Variants in HTR1F observed in about 807,000 individuals in gnomAD.
HTR1F encodes 5-hydroxytryptamine (serotonin) receptor 1F, G protein-coupled.
HTR1F carries 17 observed loss-of-function variants against 24.0 expected under a neutral mutation model. That is an observed-to-expected ratio of 0.71 (90% CI 0.48 to 1.06). The LOEUF is 1.06. Among genes scored for constraint, HTR1F ranks in the 50% least tolerant of loss-of-function variants. HTR1F has a pLI of 0.00. For missense variants in HTR1F, 391 were observed against 427.8 expected (o/e 0.91, Z 0.76); for synonymous variants, 186 against 156.8 (o/e 1.19, Z -1.39).
intron 2 of HTR1F, among the ~76,000 whole-genome samples, chr3:87,918,292 C>T (rs1369335263): frequency 6.6e-6 from 1 of 152,032 alleles, no homozygotes; most frequent in Non-Finnish European, 1.5e-5. Context: ...TGAAAGCATT[C>T]CCTCTGAGAA....
chr3:87,929,859 G>C (rs1477579228), intron 2 of HTR1F, among the ~76,000 whole-genome samples: 4 of 152,104 alleles, frequency 2.6e-5, no homozygotes, highest in Non-Finnish European at 4.4e-5. Flanking sequence ...AGATTGATAG[G>C]AGTAGCATTG....
intron 1 of HTR1F, among the ~76,000 whole-genome samples, chr3:87,797,867 T>G (rs1336125594): frequency 6.6e-6 from 1 of 152,082 alleles, no homozygotes; most frequent in Non-Finnish European, 1.5e-5. Context: ...AAGCTGATGG[T>G]GGGACAAAAA....
At chr3:87,957,928 T>G (rs1704979402) in intron 2 of HTR1F, among the ~76,000 whole-genome samples, 1 of 151,368 alleles carries the variant, frequency 6.6e-6, no homozygotes, top group African/African-American at 2.4e-5. Flanking sequence ...TTTTATTATT[T>G]TGTTTCTTCT....
chr3:87,920,827 G>A (rs1389120543), intron 2 of HTR1F, among the ~76,000 whole-genome samples: 1 of 151,908 alleles, frequency 6.6e-6, no homozygotes, highest in African/African-American at 2.4e-5. Context: ...CCCACATGAT[G>A]TGAGTACCTA....
At chr3:87,860,887 G>A (rs1705304002) in intron 2 of HTR1F, among the ~76,000 whole-genome samples, 1 of 152,218 alleles carries the variant, frequency 6.6e-6, no homozygotes, top group Non-Finnish European at 1.5e-5. Context: ...GCCAGGTGCA[G>A]TGGCTCATGC....
chr3:87,928,267 A>G (rs1490143024), intron 2 of HTR1F, among the ~76,000 whole-genome samples: 1 of 151,962 alleles, frequency 6.6e-6, no homozygotes, highest in Non-Finnish European at 1.5e-5. Flanking sequence ...GCTGGTCTCA[A>G]ACTCCTGTCC....
chr3:87,927,742 C>G (rs1704161719), intron 2 of HTR1F, among the ~76,000 whole-genome samples: 1 of 152,106 alleles, frequency 6.6e-6, no homozygotes, highest in South Asian at 2.1e-4. Flanking sequence ...GCAACACATA[C>G]TTTTTCATGC....
intron 2 of HTR1F, among the ~76,000 whole-genome samples, chr3:87,972,009 G>A (rs1705295554): frequency 6.6e-6 from 1 of 152,146 alleles, no homozygotes; most frequent in African/African-American, 2.4e-5. Context: ...ATCTATGTCA[G>A]CAGTGTGTTA....
rs1457272433 is a variant in HTR1F, at chr3:87,864,902, A to AAAAAAAG, written c.-43+42782_-43+42783insAAGAAAA. 1.5e-3 allele frequency among the ~76,000 whole-genome samples: 218 copies of AAAAAAAG among 144,462 alleles called. 2 individuals carry two copies. The highest frequency in any genetic ancestry group is 5.5e-3 in the African/African-American group (205 of 37,258). 94.8% of individuals were successfully genotyped at this position (144,462 alleles called of 152,430 possible). A position where few individuals can be genotyped will look rare whatever the true frequency, so the allele number is the denominator to read the frequency against. On this transcript the variant is annotated intron_variant, in intron 2 of 2. Transcript: ENST00000319595. ...GCAAGACTTCATCTCAAAAAAAAAAAAAAAGAAAAGAAAAGAAAAGAAAAG... is the reference window on the plus strand; with the variant it reads ...GCAAGACTTCATCTCAAAAAAAAAAAAAAAAAGAAAAGAAAAGAAAAGAAAAGAAAAG...
At chr3:87,799,328 C>A (rs544782351) in intron 1 of HTR1F, among the ~76,000 whole-genome samples, 10 of 151,914 alleles carry the variant, frequency 6.6e-5, no homozygotes, top group Admixed American at 6.6e-4. Context: ...TTTTTTCATA[C>A]CTGCATACAA....
At chr3:87,882,138 T>C (rs927571574) in intron 2 of HTR1F, among the ~76,000 whole-genome samples, 2 of 152,096 alleles carry the variant, frequency 1.3e-5, no homozygotes, top group Admixed American at 1.3e-4. Context: ...ATCAGAGAAA[T>C]GCAAATCAAA....
At chr3:87,890,541 CTTTTTTTT>C (rs79894798) in intron 2 of HTR1F, among the ~76,000 whole-genome samples, 1 of 134,584 alleles carries the variant, frequency 7.4e-6, no homozygotes, top group Non-Finnish European at 1.6e-5. Flanking sequence ...CTCCTGATGC[CTTTTTTTT>C]TTTTTTTTTG....
At chr3:87,814,599 T>C (rs1400218893) in intron 1 of HTR1F, among the ~76,000 whole-genome samples, 1 of 152,266 alleles carries the variant, frequency 6.6e-6, no homozygotes. Context: ...ATTCCAAATA[T>C]TAAGACTTCT....
intron 2 of HTR1F, among the ~76,000 whole-genome samples, chr3:87,923,398 T>G (rs748543619): frequency 1.5e-4 from 23 of 152,026 alleles, no homozygotes; most frequent in Non-Finnish European, 2.4e-4. Flanking sequence ...TTTTTCCATT[T>G]TGGGGTCTTC....
At chr3:87,860,274 A>G (rs1293241032) in intron 2 of HTR1F, among the ~76,000 whole-genome samples, 1 of 152,218 alleles carries the variant, frequency 6.6e-6, no homozygotes, top group African/African-American at 2.4e-5. Context: ...CAATAAACAT[A>G]CTTTAAAACT....
chr3:87,931,670 G>T (rs1393856886), intron 2 of HTR1F, among the ~76,000 whole-genome samples: 1 of 152,050 alleles, frequency 6.6e-6, no homozygotes, highest in African/African-American at 2.4e-5. Flanking sequence ...CACCAACAGT[G>T]TAAAAGTGTT....
intron 2 of HTR1F, among the ~76,000 whole-genome samples, chr3:87,956,344 T>C (rs1265860252): frequency 6.6e-6 from 1 of 151,454 alleles, no homozygotes; most frequent in Non-Finnish European, 1.5e-5. Flanking sequence ...TGTGAGTCTA[T>C]TTGAGGACTC....
chr3:87,841,031 ATAAT>A (rs2107177008), intron 2 of HTR1F, among the ~76,000 whole-genome samples: 1 of 152,104 alleles, frequency 6.6e-6, no homozygotes, highest in African/African-American at 2.4e-5. Context: ...CAAAGAAAAT[ATAAT>A]TAATAATTTT....
chr3:87,822,494 T>C (rs1024130294), intron 2 of HTR1F, among the ~76,000 whole-genome samples: 1 of 152,234 alleles, frequency 6.6e-6, no homozygotes, highest in Non-Finnish European at 1.5e-5. Context: ...GCAGATTTTA[T>C]ATTTAACCAT....
Sources: gnomAD v4.1 joint callset for allele counts (sites outside exome capture counted in the v4.1 genomes callset) on GRCh38, gnomAD v4.1.1 for gene constraint, MANE v1.5 for transcripts, NCBI Gene and HGNC (gene_info 2026-07-23, HGNC 2026-07-21) for gene names.